The following DOCK7 variants were observed in gnomAD, a reference collection of about 807,000 sequenced individuals.
DOCK7 encodes the protein dedicator of cytokinesis protein 7.
A neutral mutation model predicts 271.0 loss-of-function variants in DOCK7; 138 were observed. The ratio of observed to expected loss-of-function variants is 0.51; its 90% CI spans 0.44 to 0.59. The LOEUF (loss-of-function observed/expected upper bound fraction) is 0.59. Ranked by LOEUF, DOCK7 falls within the 20% of genes least tolerant of loss-of-function variation. The pLI, the probability that DOCK7 is intolerant of heterozygous loss-of-function variation, is 0.00. For synonymous variants in DOCK7, 823 were observed against 876.1 expected, an observed-to-expected ratio of 0.94 and a Z score of 1.07; for missense variants, 2,066 against 2,592.4, an observed-to-expected ratio of 0.80 and a Z score of 4.41.
Position 62,581,553 on chromosome 1 carries a change from G to A in DOCK7, c.1871+1631C>T, listed in dbSNP as rs187738176. 9.2e-5 allele frequency among the ~76,000 whole-genome samples: 14 copies of A among 152,222 alleles called. No individual in the cohort carries two copies. The East Asian group carries it at 2.5e-3, about 27-fold the overall frequency. On this transcript the variant is annotated intron_variant, in intron 16 of 49. Transcript: ENST00000635253. Reference sequence around the variant, plus strand: ...ACTAAAAATATATATCTGTACTTCAGAAGGAAGGTATTACTAAAAATAGAG... The same window carrying A: ...ACTAAAAATATATATCTGTACTTCAAAAGGAAGGTATTACTAAAAATAGAG...
intron 1 of DOCK7, among the ~76,000 whole-genome samples, chr1:62,670,420 C>A (rs1370877810): frequency 1.3e-5 from 2 of 152,206 alleles, no homozygotes; most frequent in Non-Finnish European, 2.9e-5. Context: ...CAATCAGCAC[C>A]CTGTGTTTAG....
intron 18 of DOCK7, among the ~76,000 whole-genome samples, chr1:62,572,630 A>G (rs1332837703): frequency 5.6e-5 from 7 of 125,454 alleles, no homozygotes; most frequent in African/African-American, 2.1e-4. Flanking sequence ...CCTTCTTGCA[A>G]CTGGGGGAGA....
chr1:62,561,597 T>A lies in DOCK7; in HGVS notation c.2199+20A>T, dbSNP rs1646324484. 1.4e-6 allele frequency: 2 copies of A among 1,454,696 alleles called. No individual in the cohort carries two copies. The highest frequency in any genetic ancestry group is 5.1e-5 in the Admixed American group (2 of 39,128). 90.1% of individuals were successfully genotyped at this position (1,454,696 alleles called of 1,614,324 possible). On this transcript the variant is annotated intron_variant, in intron 19 of 49. Coordinates refer to ENST00000635253, the MANE Select transcript of DOCK7 (RefSeq NM_001367561.1). ...AATTTATTTAAGTGAAATTTGATAATAAAAATTATTAAAACTCACTTGTGT... is the reference window on the plus strand; with the variant it reads ...AATTTATTTAAGTGAAATTTGATAAAAAAAATTATTAAAACTCACTTGTGT...
At chr1:62,589,761 C>G (rs945116952) in intron 14 of DOCK7, among the ~76,000 whole-genome samples, 1 of 151,636 alleles carries the variant, frequency 6.6e-6, no homozygotes, top group African/African-American at 2.4e-5. Flanking sequence ...CTCAAGGACA[C>G]CAACTATGAA....
chr1:62,520,170 C>G (rs1344496356), intron 31 of DOCK7, among the ~76,000 whole-genome samples: 1 of 152,148 alleles, frequency 6.6e-6, no homozygotes, highest in African/African-American at 2.4e-5. Flanking sequence ...CTAGGCAATA[C>G]CATTCAGGAC....
At chr1:62,646,155 C>CA (rs58296142) in intron 7 of DOCK7, among the ~76,000 whole-genome samples, 139 of 111,098 alleles carry the variant, frequency 1.3e-3, no homozygotes, top group South Asian at 8.4e-3. Flanking sequence ...GACTCCGTCT[C>CA]AAAAAAAAAA....
chr1:62,503,979 G>A (rs1378798258), intron 37 of DOCK7, among the ~76,000 whole-genome samples: 2 of 151,606 alleles, frequency 1.3e-5, no homozygotes, highest in South Asian at 2.1e-4. Flanking sequence ...CCCAGGAGGC[G>A]GAGCTTGCAG....
intron 33 of DOCK7, among the ~76,000 whole-genome samples, chr1:62,513,101 C>T (rs1168814589): frequency 1.3e-5 from 2 of 151,942 alleles, no homozygotes; most frequent in East Asian, 3.9e-4. Context: ...CCTTTGCTCA[C>T]TTTTGCTGTG....
chr1:62,589,475 T>C (rs904992152), intron 14 of DOCK7, among the ~76,000 whole-genome samples: 4 of 152,152 alleles, frequency 2.6e-5, no homozygotes, highest in Non-Finnish European at 4.4e-5. Context: ...CTCTTATTTT[T>C]TTTTCCCCCG....
rs76660788 is a variant in DOCK7 at position 62,535,637 on chromosome 1, T to C, written c.3472-5A>G. The C allele has an allele frequency of 3.4e-3, 5,503 of 1,612,494 alleles. 155 individuals are homozygous for C. In the African/African-American group the frequency reaches 0.062, roughly 18 times the overall value. On this transcript the variant is annotated splice_polypyrimidine_tract_variant and splice_region_variant and intron_variant, in intron 28 of 49. Transcript: ENST00000635253. Reference sequence around the variant, plus strand: ...ATTCGTAGAAAATCCAGAACTCTGTTGGAAAGTGAGGCAGAACAAGACTAT... The same window carrying C: ...ATTCGTAGAAAATCCAGAACTCTGTCGGAAAGTGAGGCAGAACAAGACTAT...
At chr1:62,568,590 C>T (rs1191117685) in intron 18 of DOCK7, among the ~76,000 whole-genome samples, 3 of 141,998 alleles carry the variant, frequency 2.1e-5, no homozygotes, top group African/African-American at 7.9e-5. Context: ...CAGGCGTGAG[C>T]CACTGTGCCC....
At chr1:62,479,754 G>GC (rs1646066932) in intron 43 of DOCK7, 1 of 374,390 alleles carries the variant, frequency 2.7e-6, no homozygotes, top group South Asian at 2.0e-5. Flanking sequence ...TGCAACCACA[G>GC]CTCACTACAG....
chr1:62,506,644 T>C (rs12733049), intron 35 of DOCK7, among the ~76,000 whole-genome samples: 1 of 151,798 alleles, frequency 6.6e-6, no homozygotes, highest in Non-Finnish European at 1.5e-5. Flanking sequence ...CTAATTTTTT[T>C]ATTTTTAGTA....
intron 33 of DOCK7, among the ~76,000 whole-genome samples, chr1:62,512,731 TAA>T (rs968616196): frequency 7.1e-6 from 1 of 140,546 alleles, no homozygotes. Context: ...AGACCATGTT[TAA>T]AAAAAAAAAA....
intron 18 of DOCK7, among the ~76,000 whole-genome samples, chr1:62,575,178 C>T (rs1025897280): frequency 6.6e-6 from 1 of 152,138 alleles, no homozygotes; most frequent in Non-Finnish European, 1.5e-5. Flanking sequence ...ACAGGTGTGC[C>T]ACTGCATCCT....
chr1:62,662,654 A>G (rs1168104), intron 2 of DOCK7, among the ~76,000 whole-genome samples: 88,360 of 151,902 alleles, frequency 0.58, 27,407 homozygotes, highest in East Asian at 0.76. Flanking sequence ...CCAGCTACTC[A>G]GGAGGCTAAG....
At chr1:62,540,209 T>C (rs1372434278) in intron 25 of DOCK7, among the ~76,000 whole-genome samples, 1 of 151,960 alleles carries the variant, frequency 6.6e-6, no homozygotes, top group Non-Finnish European at 1.5e-5. Context: ...GGTCTCACTC[T>C]GTCACACAGG....
At chr1:62,562,526 T>C (rs1339763335) in intron 18 of DOCK7, among the ~76,000 whole-genome samples, 1 of 152,104 alleles carries the variant, frequency 6.6e-6, no homozygotes, top group Non-Finnish European at 1.5e-5. Flanking sequence ...AAAACATTTT[T>C]TCAGAAGTAA....
intron 2 of DOCK7, among the ~76,000 whole-genome samples, chr1:62,655,320 T>C (rs1047841550): frequency 6.6e-6 from 1 of 152,176 alleles, no homozygotes; most frequent in South Asian, 2.1e-4. Flanking sequence ...CTCAGGATAG[T>C]CATCTGGAAT....
Sources: gnomAD v4.1 joint callset for allele counts (sites outside exome capture counted in the v4.1 genomes callset) on GRCh38, gnomAD v4.1.1 for gene constraint, MANE v1.5 for transcripts, NCBI Gene and HGNC (gene_info 2026-07-23, HGNC 2026-07-21) for gene names.